The following SERPINB5 variants were observed in gnomAD, a reference collection of about 807,000 sequenced individuals.
SERPINB5 encodes serpin B5.
Under a neutral mutation model 32.2 loss-of-function variants are expected in SERPINB5, and 27 were observed. The observed-to-expected ratio is 0.84, with a 90% CI of 0.62 to 1.16. The LOEUF is 1.16. Among genes scored for constraint, SERPINB5 ranks in the 50% most tolerant of loss-of-function variants. SERPINB5 has a pLI of 0.00. For missense variants in SERPINB5, 388 were observed against 436.3 expected, an observed-to-expected ratio of 0.89 and a Z score of 0.99; for synonymous variants, 154 against 157.4, an observed-to-expected ratio of 0.98 and a Z score of 0.16.
chr18:63,491,029 C>T (rs919616312), intron 4 of SERPINB5, among the ~76,000 whole-genome samples: 2 of 152,294 alleles, frequency 1.3e-5, no homozygotes, highest in East Asian at 1.9e-4. Flanking sequence ...TATGCCTTTG[C>T]ATCCTCATAG....
chr18:63,499,370 G>A, intron 6 of SERPINB5, 83 bp downstream of exon 6: 12 of 1,257,200 alleles, frequency 9.5e-6, no homozygotes, highest in Non-Finnish European at 1.3e-5. Context: ...TGGGCCGTGA[G>A]AGCTGGGCCG....
chr18:63,501,870 T>C (rs1909577666), intron 6 of SERPINB5, among the ~76,000 whole-genome samples: 1 of 152,314 alleles, frequency 6.6e-6, no homozygotes, highest in African/African-American at 2.4e-5. Flanking sequence ...TCACATCCTT[T>C]GCCCACTTGT....
intron 1 of SERPINB5, 100 bp downstream of exon 1, chr18:63,477,145 T>G (rs1253222550): frequency 6.6e-6 from 1 of 152,096 alleles, no homozygotes; most frequent in African/African-American, 2.4e-5. Context: ...CAAAATGGAC[T>G]TAGGTCCATT....
At chr18:63,481,159 A>C (rs886504050) in intron 1 of SERPINB5, among the ~76,000 whole-genome samples, 7 of 152,250 alleles carry the variant, frequency 4.6e-5, no homozygotes, top group Non-Finnish European at 1.0e-4. Context: ...TGTATTGTGT[A>C]ATTAACTACA....
chr18:63,503,652 CCTTTATTT>C lies in SERPINB5; in HGVS notation c.1059_1066del (p.Phe354HisfsTer68). Reference sequence around the variant, plus strand: ...AAGGATGAATTGAATGCTGACCATCCCTTTATTTACATCATCAGGCACAACAAAACTCG... The same window carrying C: ...AAGGATGAATTGAATGCTGACCATCCACATCATCAGGCACAACAAAACTCG... On this transcript the variant is annotated frameshift_variant, in exon 7 of 7. Transcript: ENST00000382771. LOFTEE classifies it high-confidence loss of function. 1 of 1,614,134 alleles carries C rather than the reference CCTTTATTT, an allele frequency of 6.2e-7. No homozygotes were observed. Among genetic ancestry groups the C allele is most frequent in the Non-Finnish European group, 8.5e-7 (1 of 1,179,978 alleles).
intron 4 of SERPINB5, among the ~76,000 whole-genome samples, chr18:63,491,320 T>C (rs1310714831): frequency 1.4e-5 from 2 of 147,774 alleles, no homozygotes; most frequent in Non-Finnish European, 3.0e-5. Context: ...GATAATCGCT[T>C]GAACCTGGGA....
rs1209917982 is a variant in SERPINB5, at chr18:63,499,001, A to G, written c.568-119A>G. Reference sequence around the variant, plus strand: ...TAGGTATATATGTATGTGTGTCTGTATATATACATGTGGGTATATATGTGT... The same window carrying G: ...TAGGTATATATGTATGTGTGTCTGTGTATATACATGTGGGTATATATGTGT... On this transcript the variant is annotated intron_variant, in intron 5 of 6. Transcript: ENST00000382771. The G allele has an allele frequency of 1.3e-5, 6 of 459,508 alleles. No homozygotes were observed. In the Admixed American group the frequency reaches 1.8e-4, roughly 14 times the overall value. The allele number at this position is 459,508 out of a possible 1,614,324, so 28.5% of individuals were successfully genotyped here.
intron 6 of SERPINB5, among the ~76,000 whole-genome samples, chr18:63,499,689 T>C (rs1909531461): frequency 6.6e-6 from 1 of 152,090 alleles, no homozygotes; most frequent in Non-Finnish European, 1.5e-5. Flanking sequence ...TGGAGCCAGG[T>C]TCTTAACTGA....
intron 1 of SERPINB5, among the ~76,000 whole-genome samples, chr18:63,480,423 T>C (rs576850946): frequency 6.6e-6 from 1 of 152,244 alleles, no homozygotes; most frequent in South Asian, 2.1e-4. Flanking sequence ...AGAAGACCCT[T>C]GTGACAAGGC....
Position 63,504,252 on chromosome 18 carries a change from C to A in SERPINB5, c.*530C>A, listed in dbSNP as rs1221805631. ...AGTCCTTATGTTAAGCCCTGGCAGG[C>A]AGGTGTTTATTAAAATTCTGAATTT... On this transcript the variant is annotated 3_prime_UTR_variant, in exon 7 of 7. Transcript: ENST00000382771. 1.3e-5 allele frequency: 2 copies of A among 153,244 alleles called. No individual in the cohort carries two copies. The highest frequency in any genetic ancestry group is 2.9e-5 in the Non-Finnish European group (2 of 68,812). The allele number at this position is 153,244 out of a possible 1,614,324, so 9.5% of individuals were successfully genotyped here.
At chr18:63,490,609 C>T (rs976295715) in intron 4 of SERPINB5, 4 of 152,104 alleles carry the variant, frequency 2.6e-5, no homozygotes, top group African/African-American at 7.2e-5. Flanking sequence ...TGACTGGCGC[C>T]CCCAGCTACT....
At chr18:63,491,368 C>T (rs1447655599) in intron 4 of SERPINB5, among the ~76,000 whole-genome samples, 1 of 138,900 alleles carries the variant, frequency 7.2e-6, no homozygotes, top group Non-Finnish European at 1.5e-5. Flanking sequence ...CGCCATTGCA[C>T]TCCAGCCTGG....
intron 1 of SERPINB5, among the ~76,000 whole-genome samples, chr18:63,478,380 C>A (rs1917070958): frequency 6.6e-6 from 1 of 152,192 alleles, no homozygotes; most frequent in Admixed American, 6.5e-5. Context: ...CAGACGCCCC[C>A]CTGCCATGGG....
chr18:63,495,672 A>G (rs541863614), intron 5 of SERPINB5, among the ~76,000 whole-genome samples: 53 of 152,308 alleles, frequency 3.5e-4, no homozygotes, highest in Non-Finnish European at 6.2e-4. Context: ...GTTTTTTGAG[A>G]AGGGAGGAAG....
At chr18:63,478,612 A>G (rs1019434009) in intron 1 of SERPINB5, among the ~76,000 whole-genome samples, 1 of 152,204 alleles carries the variant, frequency 6.6e-6, no homozygotes, top group African/African-American at 2.4e-5. Context: ...TACTGATATT[A>G]TAATAGGCAA....
chr18:63,486,078 A>G (rs1917209144), intron 2 of SERPINB5: 1 of 152,222 alleles, frequency 6.6e-6, no homozygotes, highest in Non-Finnish European at 1.5e-5. Flanking sequence ...TAAATGGCTT[A>G]CAATATTATT....
At chr18:63,490,612 C>G (rs148104061) in intron 4 of SERPINB5, 2 of 152,194 alleles carry the variant, frequency 1.3e-5, no homozygotes, top group Non-Finnish European at 2.9e-5. Flanking sequence ...CTGGCGCCCC[C>G]AGCTACTCTG....
At chr18:63,484,739 A>ATATTTTTTTTTTTTTTT (rs1474564506) in intron 2 of SERPINB5, 143 bp downstream of exon 2, 2 of 144,844 alleles carry the variant, frequency 1.4e-5, no homozygotes, top group African/African-American at 5.2e-5. Flanking sequence ...GACTCTCTTA[A>ATATTTTTTTTTTTTTTT]TCTTTTTTTT....
intron 1 of SERPINB5, among the ~76,000 whole-genome samples, chr18:63,481,784 G>C (rs1019491839): frequency 1.6e-4 from 24 of 152,154 alleles, no homozygotes. Context: ...CACTCAACAG[G>C]CTTTCATTTT....
Sources: allele counts gnomAD v4.1 joint callset (sites outside exome capture counted in the v4.1 genomes callset), GRCh38; gene constraint gnomAD v4.1.1; transcripts MANE v1.5; gene names NCBI Gene and HGNC (gene_info 2026-07-23, HGNC 2026-07-21).